The following SERP2 variants were observed in gnomAD, a reference collection of about 807,000 sequenced individuals.
SERP2 encodes stress-associated endoplasmic reticulum protein 2.
A neutral mutation model predicts 9.1 loss-of-function variants in SERP2; 6 were observed. That is an observed-to-expected ratio of 0.66 (90% confidence interval 0.36 to 1.30). SERP2 has a LOEUF of 1.30. Ranked by LOEUF, SERP2 falls within the 50% of genes most tolerant of loss-of-function variation. The pLI is 0.03. For synonymous variants in SERP2, 37 were observed against 27.3 expected, an observed-to-expected ratio of 1.35 and a Z score of -1.10; for missense variants, 58 against 81.9, an observed-to-expected ratio of 0.71 and a Z score of 1.13.
chr13:44,381,845 T>C (rs966599501), intron 2 of SERP2, among the ~76,000 whole-genome samples: 2 of 152,246 alleles, frequency 1.3e-5, no homozygotes, highest in African/African-American at 4.8e-5. Flanking sequence ...ATTTTACTCA[T>C]GACCCTCATC....
chr13:44,380,339 GT>G (rs1397612116), intron 2 of SERP2, among the ~76,000 whole-genome samples: 1 of 150,430 alleles, frequency 6.6e-6, no homozygotes, highest in Non-Finnish European at 1.5e-5. Flanking sequence ...AGAAATCCTT[GT>G]GAGTGGAGGT....
At chr13:44,382,436 CAAAA>C (rs71202274) in intron 2 of SERP2, among the ~76,000 whole-genome samples, 1 of 45,672 alleles carries the variant, frequency 2.2e-5, no homozygotes, top group Admixed American at 2.7e-4. Context: ...GACTCCGTCT[CAAAA>C]AAAAAAAAAA....
At chr13:44,375,293 G>A (rs551637092) in intron 1 of SERP2, among the ~76,000 whole-genome samples, 7 of 152,074 alleles carry the variant, frequency 4.6e-5, no homozygotes, top group Admixed American at 2.6e-4. Context: ...CAGTATTACG[G>A]CAGAGAAACT....
rs1566091595 is a variant in SERP2, at chr13:44,383,544, G to GTTTTTGT, written c.157+3836_157+3837insGTTTTTT. ...TAGCTCCACCTCTCTGGAGGTTTGC[G>GTTTTTGT]TTTTTTTTGTTTTTTTTTTTTTGAG... On this transcript the variant is annotated intron_variant, in intron 2 of 2. Coordinates refer to ENST00000379179, the MANE Select transcript of SERP2 (RefSeq NM_001010897.3). Among the ~76,000 whole-genome samples, 4 of 91,830 alleles carry GTTTTTGT rather than the reference G, an allele frequency of 4.4e-5. 1 individual carries two copies. The highest frequency in any genetic ancestry group is 1.3e-4 in the Admixed American group (1 of 7,882). 60.2% of individuals were successfully genotyped at this position (91,830 alleles called of 152,430 possible).
At chr13:44,383,258 C>G (rs1362533718) in intron 2 of SERP2, among the ~76,000 whole-genome samples, 1 of 152,176 alleles carries the variant, frequency 6.6e-6, no homozygotes, top group Non-Finnish European at 1.5e-5. Flanking sequence ...CAGTCTGCCC[C>G]CTTAGGCAGC....
intron 2 of SERP2, among the ~76,000 whole-genome samples, chr13:44,382,842 T>C (rs1045261007): frequency 1.1e-4 from 17 of 152,096 alleles, no homozygotes; most frequent in South Asian, 2.1e-4. Context: ...CTTGCAGGCA[T>C]TGGGAGAGGC....
At chr13:44,381,444 A>G (rs987205523) in intron 2 of SERP2, among the ~76,000 whole-genome samples, 5 of 152,172 alleles carry the variant, frequency 3.3e-5, no homozygotes, top group Non-Finnish European at 5.9e-5. Flanking sequence ...CAGGAGGCTG[A>G]GGCAGGAGAA....
intron 2 of SERP2, among the ~76,000 whole-genome samples, chr13:44,393,453 C>G (rs1872899002): frequency 6.6e-6 from 1 of 152,138 alleles, no homozygotes; most frequent in Non-Finnish European, 1.5e-5. Context: ...TAGGAGGATG[C>G]AGAGGCTTCG....
intron 1 of SERP2, among the ~76,000 whole-genome samples, chr13:44,376,581 C>A (rs1871663859): frequency 6.6e-6 from 1 of 152,068 alleles, no homozygotes; most frequent in African/African-American, 2.4e-5. Context: ...TCGAAACCAG[C>A]CTGGCCAACA....
At chr13:44,377,915 C>A (rs372818267) in intron 1 of SERP2, among the ~76,000 whole-genome samples, 1 of 152,160 alleles carries the variant, frequency 6.6e-6, no homozygotes, top group Admixed American at 6.5e-5. Flanking sequence ...AAGACATAGT[C>A]CCTGCCCTTG....
rs1873198587 is a variant in SERP2 at position 44,397,611 on chromosome 13, G to A, written c.*299G>A. On this transcript the variant is annotated 3_prime_UTR_variant, in exon 3 of 3. Coordinates refer to ENST00000379179, the MANE Select transcript of SERP2 (RefSeq NM_001010897.3). ...TGGTTTTTCCCTTGGTTTCACTAAT[G>A]CGTGCATGTGGCCCTCTGAACGATC... The A allele has an allele frequency of 6.6e-6, 3 of 456,966 alleles. No individual in the cohort carries two copies. The highest frequency in any genetic ancestry group is 1.2e-5 in the Non-Finnish European group (3 of 249,350). 28.3% of individuals were successfully genotyped at this position (456,966 alleles called of 1,614,324 possible).
chr13:44,383,714 A>ATT (rs146628198), intron 2 of SERP2, among the ~76,000 whole-genome samples: 2 of 137,476 alleles, frequency 1.5e-5, no homozygotes, highest in African/African-American at 2.7e-5. Context: ...TGCCCAGCTA[A>ATT]TTTTTTTTTT....
rs1566094892 is a variant in SERP2 at position 44,391,810 on chromosome 13, G to GAAGAA, written c.158-5462_158-5461insAAGAA. On this transcript the variant is annotated intron_variant, in intron 2 of 2. Coordinates refer to ENST00000379179, the MANE Select transcript of SERP2 (RefSeq NM_001010897.3). ...CTCAAGTCTGAGAACCTCTGCTCCAGGTGATCAAAGAAGGCTTCTCTGAAG... is the reference window on the plus strand; with the variant it reads ...CTCAAGTCTGAGAACCTCTGCTCCAGAAGAAGTGATCAAAGAAGGCTTCTCTGAAG... Among the ~76,000 whole-genome samples, 308 of 152,258 alleles carry GAAGAA rather than the reference G, an allele frequency of 2.0e-3. 1 individual carries two copies. The highest frequency in any genetic ancestry group is 7.1e-3 in the African/African-American group (293 of 41,530).
At chr13:44,397,156 C>T (rs1398876773) in intron 2 of SERP2, 116 bp from the exon 3 acceptor site, 1 of 783,084 alleles carries the variant, frequency 1.3e-6, no homozygotes, top group Non-Finnish European at 2.2e-6. Context: ...AATATCTAAT[C>T]AGCTGTGAGC....
intron 2 of SERP2, among the ~76,000 whole-genome samples, chr13:44,389,969 T>C (rs764797286): frequency 6.7e-6 from 1 of 148,738 alleles, no homozygotes; most frequent in Non-Finnish European, 1.5e-5. Flanking sequence ...ATAGAGGAAT[T>C]TGGCCAATGT....
rs892419209 is a variant in SERP2 at position 44,391,661 on chromosome 13, G to A, written c.158-5611G>A. Among the ~76,000 whole-genome samples, 17 of 152,212 alleles carry A rather than the reference G, an allele frequency of 1.1e-4. No homozygotes were observed. The South Asian group carries it at 1.5e-3, about 13-fold the overall frequency. ...GTTCTCAAAGTGTGGTCCCTGGACCGGCATCTCAACATCTCCTGTGAACTT... is the reference window on the plus strand; with the variant it reads ...GTTCTCAAAGTGTGGTCCCTGGACCAGCATCTCAACATCTCCTGTGAACTT... On this transcript the variant is annotated intron_variant, in intron 2 of 2. Coordinates refer to ENST00000379179, the MANE Select transcript of SERP2 (RefSeq NM_001010897.3).
intron 2 of SERP2, among the ~76,000 whole-genome samples, chr13:44,393,103 G>A (rs1200732350): frequency 3.3e-5 from 5 of 152,236 alleles, no homozygotes; most frequent in East Asian, 1.9e-4. Context: ...GTGGAAGAAT[G>A]CCTGTTACAC....
At chr13:44,385,906 C>G (rs940945212) in intron 2 of SERP2, among the ~76,000 whole-genome samples, 1 of 152,136 alleles carries the variant, frequency 6.6e-6, no homozygotes, top group Non-Finnish European at 1.5e-5. Flanking sequence ...AACAGGGGCA[C>G]CACGGGACCA....
At chr13:44,383,225 T>A (rs1375155965) in intron 2 of SERP2, among the ~76,000 whole-genome samples, 2 of 152,162 alleles carry the variant, frequency 1.3e-5, no homozygotes, top group Admixed American at 1.3e-4. Context: ...GGCTTCAAGA[T>A]ACACAGTAAC....
Sources: gnomAD v4.1 joint callset for allele counts (sites outside exome capture counted in the v4.1 genomes callset) on GRCh38, gnomAD v4.1.1 for gene constraint, MANE v1.5 for transcripts, NCBI Gene and HGNC (gene_info 2026-07-23, HGNC 2026-07-21) for gene names.